The following RBM25 variants were observed in gnomAD, a reference collection of about 807,000 sequenced individuals.
RBM25 encodes the protein RNA binding motif protein 25, also known as RNA-binding protein 25.
Under a neutral mutation model 120.7 loss-of-function variants are expected in RBM25, and 19 were observed. The ratio of observed to expected loss-of-function variants is 0.16; its 90% CI spans 0.11 to 0.23. The LOEUF is 0.23. Ranked by LOEUF, RBM25 falls within the 10% of genes least tolerant of loss-of-function variation. The probability of loss-of-function intolerance (pLI) is 1.00; values close to 1 mark genes in which losing one functional copy is unlikely to be tolerated. For synonymous variants in RBM25, 390 were observed against 326.7 expected (o/e 1.19, Z -2.09); for missense variants, 605 against 1,041.5 (o/e 0.58, Z 5.77).
At chr14:73,117,331 A>G (rs1896456916) in intron 18 of RBM25, among the ~76,000 whole-genome samples, 1 of 143,120 alleles carries the variant, frequency 7.0e-6, no homozygotes, top group Admixed American at 7.7e-5. Context: ...TCTTGGGTTC[A>G]AGCAATTCTC....
intron 6 of RBM25, among the ~76,000 whole-genome samples, chr14:73,095,150 GC>G (rs1241907232): frequency 1.3e-5 from 2 of 152,016 alleles, no homozygotes; most frequent in Non-Finnish European, 2.9e-5. Flanking sequence ...ACCGAGCCCT[GC>G]CAAGTGGTTA....
intron 17 of RBM25, among the ~76,000 whole-genome samples, chr14:73,113,581 C>G (rs953228299): frequency 6.6e-6 from 1 of 151,830 alleles, no homozygotes; most frequent in Non-Finnish European, 1.5e-5. Flanking sequence ...ATCCCAGCTA[C>G]TCGGGAGGCT....
chr14:73,077,698 G>A (rs745693176), intron 4 of RBM25, among the ~76,000 whole-genome samples, 162 bp downstream of exon 4: 2 of 152,162 alleles, frequency 1.3e-5, no homozygotes, highest in Non-Finnish European at 2.9e-5. Context: ...TCTTTTCCTA[G>A]ATTCACCAAT....
intron 18 of RBM25, among the ~76,000 whole-genome samples, chr14:73,118,692 A>G (rs1186530705): frequency 1.3e-5 from 2 of 152,152 alleles, no homozygotes; most frequent in Non-Finnish European, 2.9e-5. Flanking sequence ...TCACAAAAAT[A>G]TGGTACTCTT....
In RBM25 at chr14:73,109,448, C is replaced by T. The variant is rs772777264; in HGVS notation, c.1648C>T (p.Leu550Phe). ...GGAGCTTGAGGAAATCAGGCAGCGC[C>T]TTCTGGCAGAAGGGCATCCAGATCC... ...KEELEEIRQR[L>F]LAEGHPDPDA... The change falls in exon 14 of 19, where the codon CTT becomes TTT. Residue 550 changes from leucine to phenylalanine, a missense_variant. By Grantham distance (22) the Leu-to-Phe change is conservative. Transcript: ENST00000261973. 1 of 1,614,174 alleles carries T rather than the reference C, an allele frequency of 6.2e-7. No individual in the cohort carries two copies. The highest frequency in any genetic ancestry group is 8.5e-7 in the Non-Finnish European group (1 of 1,179,994).
chr14:73,083,352 T>C, intron 4 of RBM25, 142 bp from the exon 5 acceptor site: 1 of 568,094 alleles, frequency 1.8e-6, no homozygotes, highest in South Asian at 2.5e-5. Flanking sequence ...TTTGTGGGAA[T>C]TGCAAAAATT....
chr14:73,101,740 GTATC>G (rs1896060563), intron 9 of RBM25: 1 of 152,096 alleles, frequency 6.6e-6, no homozygotes, highest in South Asian at 2.1e-4. Context: ...TATTCTGTAA[GTATC>G]TATTTCAGAA....
intron 5 of RBM25, among the ~76,000 whole-genome samples, chr14:73,085,411 T>C (rs1375346308): frequency 6.7e-6 from 1 of 149,256 alleles, no homozygotes; most frequent in Non-Finnish European, 1.5e-5. Context: ...TGGAGAAAGT[T>C]GCCCCTGCAT....
chr14:73,105,038 T>TAC (rs57281649), intron 10 of RBM25, among the ~76,000 whole-genome samples: 2,093 of 141,190 alleles, frequency 0.015, 47 homozygotes, highest in African/African-American at 0.042. Flanking sequence ...ACATATTAAA[T>TAC]ACACACACAC....
intron 5 of RBM25, among the ~76,000 whole-genome samples, chr14:73,083,784 T>G (rs1895619251): frequency 6.6e-6 from 1 of 152,200 alleles, no homozygotes; most frequent in African/African-American, 2.4e-5. Context: ...TTAAAATTGC[T>G]CAATTTAACT....
chr14:73,094,815 GT>G (rs1895901655), intron 6 of RBM25, among the ~76,000 whole-genome samples: 1 of 33,786 alleles, frequency 3.0e-5, no homozygotes, highest in Non-Finnish European at 6.5e-5. Flanking sequence ...AGCGAGGTGT[GT>G]GTGTGTGTGT....
intron 17 of RBM25, among the ~76,000 whole-genome samples, chr14:73,112,493 C>T (rs1016194981): frequency 1.3e-5 from 2 of 152,024 alleles, no homozygotes; most frequent in African/African-American, 4.8e-5. Flanking sequence ...ACTCCTCACA[C>T]CACATGTTTT....
chr14:73,093,023 G>A (rs1895853697), intron 6 of RBM25, among the ~76,000 whole-genome samples: 1 of 152,082 alleles, frequency 6.6e-6, no homozygotes, highest in African/African-American at 2.4e-5. Flanking sequence ...TCCATGTGAG[G>A]TGGCCATGCT....
intron 16 of RBM25, among the ~76,000 whole-genome samples, 166 bp from the exon 17 acceptor site, chr14:73,111,986 A>G (rs1445696512): frequency 3.3e-5 from 5 of 152,216 alleles, no homozygotes; most frequent in African/African-American, 1.2e-4. Context: ...TTTTTGTGCT[A>G]CTTGAAGACT....
intron 17 of RBM25, among the ~76,000 whole-genome samples, chr14:73,112,524 A>G (rs1334585538): frequency 1.3e-5 from 2 of 151,862 alleles, no homozygotes; most frequent in African/African-American, 4.8e-5. Context: ...GTCGAGGAGG[A>G]TGGAATTGCT....
intron 4 of RBM25, among the ~76,000 whole-genome samples, chr14:73,078,928 G>A (rs1051118671): frequency 3.9e-5 from 6 of 152,156 alleles, no homozygotes; most frequent in African/African-American, 1.2e-4. Context: ...GAGACTGTGA[G>A]TCCTTTTCCC....
At chr14:73,112,845 A>G (rs954116770) in intron 17 of RBM25, among the ~76,000 whole-genome samples, 3 of 151,756 alleles carry the variant, frequency 2.0e-5, no homozygotes, top group African/African-American at 7.3e-5. Flanking sequence ...GCTTTGTCCT[A>G]CAGGCTGGAG....
At chr14:73,095,093 A>T (rs1260636937) in intron 6 of RBM25, among the ~76,000 whole-genome samples, 1 of 151,862 alleles carries the variant, frequency 6.6e-6, no homozygotes, top group African/African-American at 2.4e-5. Flanking sequence ...TGACCTCGTC[A>T]TCTGCCCACC....
intron 10 of RBM25, among the ~76,000 whole-genome samples, chr14:73,105,021 C>CAT (rs1350885996): frequency 1.5e-5 from 1 of 64,588 alleles, no homozygotes; most frequent in Non-Finnish European, 3.4e-5. Flanking sequence ...GAACATATTT[C>CAT]ATATATACAT....
Sources: allele counts gnomAD v4.1 joint callset (sites outside exome capture counted in the v4.1 genomes callset), GRCh38; gene constraint gnomAD v4.1.1; transcripts MANE v1.5; gene names NCBI Gene and HGNC (gene_info 2026-07-23, HGNC 2026-07-21).